Variants in MEIS1 observed in about 807,000 individuals in gnomAD.
MEIS1 encodes the protein homeobox protein Meis1.
In MEIS1, 5 loss-of-function variants were observed where a neutral mutation model predicts 50.8. That is an observed-to-expected ratio of 0.10 (90% CI 0.05 to 0.21). The LOEUF (loss-of-function observed/expected upper bound fraction) is 0.21, where lower values mean the gene tolerates loss of function less well. Ranked by LOEUF, MEIS1 falls within the 10% of genes least tolerant of loss-of-function variation. The pLI is 1.00. For synonymous variants in MEIS1, 176 were observed against 179.3 expected, an observed-to-expected ratio of 0.98 and a Z score of 0.15; for missense variants, 318 against 517.3, an observed-to-expected ratio of 0.61 and a Z score of 3.74.
intron 9 of MEIS1, among the ~76,000 whole-genome samples, chr2:66,556,491 CT>C (rs11369455): frequency 1.9e-4 from 27 of 144,210 alleles, no homozygotes; most frequent in Middle Eastern, 3.6e-3. Flanking sequence ...GATAAAGTCA[CT>C]TTTTTTTTTT....
At chr2:66,560,436 C>T (rs1424576250) in intron 9 of MEIS1, among the ~76,000 whole-genome samples, 1 of 151,196 alleles carries the variant, frequency 6.6e-6, no homozygotes, top group Non-Finnish European at 1.5e-5. Flanking sequence ...AAAAACAAAA[C>T]GACAAAAACT....
At position 66,445,543 on chromosome 2, in the gene MEIS1, C is replaced by T. The variant is rs1171518197; in HGVS notation, c.630+2495C>T. ...CACCTGTCTGCGAATGCAGCCCAGC[C>T]AGTTTGAGCCTCCGCAGAGGGTGCG... On this transcript the variant is annotated intron_variant, in intron 6 of 12. Transcript: ENST00000272369. Among the ~76,000 whole-genome samples the T allele has an allele frequency of 3.3e-5, 5 of 152,230 alleles. 1 individual carries two copies. The highest frequency in any genetic ancestry group is 3.3e-4 in the Admixed American group (5 of 15,292).
At chr2:66,436,995 A>G in intron 1 of MEIS1, 1 of 959,400 alleles carries the variant, frequency 1.0e-6, no homozygotes, top group Non-Finnish European at 1.2e-6. Context: ...AGTTCATAAG[A>G]GTAAATAAGA....
At chr2:66,436,753 T>G (rs1047593252) in intron 1 of MEIS1, 2 of 420,160 alleles carry the variant, frequency 4.8e-6, no homozygotes, top group African/African-American at 4.3e-5. Context: ...TCTTTGAAAA[T>G]CATTTCACTC....
chr2:66,570,035 C>T (rs371633994), intron 12 of MEIS1: 3 of 152,220 alleles, frequency 2.0e-5, no homozygotes, highest in African/African-American at 7.2e-5. Flanking sequence ...CCTAATAGCA[C>T]TGTTCTTGCT....
At chr2:66,460,278 T>C (rs1372587162) in intron 6 of MEIS1, among the ~76,000 whole-genome samples, 1 of 152,134 alleles carries the variant, frequency 6.6e-6, no homozygotes, top group East Asian at 1.9e-4. Context: ...TAAGATACCA[T>C]TCTCACTCAT....
At chr2:66,569,392 G>A (rs2066929) in intron 12 of MEIS1, 235,777 of 258,090 alleles carry the variant, frequency 0.91, 108,754 homozygotes, top group Non-Finnish European at 0.97. Context: ...AAAACAAGAA[G>A]CAGTCAGGAG....
At chr2:66,483,140 C>T (rs868649999) in intron 7 of MEIS1, among the ~76,000 whole-genome samples, 8 of 151,756 alleles carry the variant, frequency 5.3e-5, no homozygotes, top group East Asian at 1.9e-4. Flanking sequence ...TCATCATTAT[C>T]AGCTGATTAA....
intron 6 of MEIS1, among the ~76,000 whole-genome samples, chr2:66,462,520 C>T (rs1013628408): frequency 6.6e-6 from 1 of 152,174 alleles, no homozygotes; most frequent in African/African-American, 2.4e-5. Context: ...TGTCGAGGCA[C>T]CGGGGTTTTG....
chr2:66,435,765 TTTCC>T lies in MEIS1; in HGVS notation c.-91_-88del. ...GTGCTTTTTTTTTTTTTTTTTTTTT[TTTCC>T]GGGGGAGTTTGAATATTTGTTTCTT... On this transcript the variant is annotated 5_prime_UTR_variant, in exon 1 of 13. Coordinates refer to ENST00000272369, the MANE Select transcript of MEIS1 (RefSeq NM_002398.3). 7 of 788,152 alleles carry T rather than the reference TTTCC, an allele frequency of 8.9e-6. No homozygotes were observed. The highest frequency in any genetic ancestry group is 2.2e-5 in the South Asian group (1 of 45,884). 48.8% of individuals were successfully genotyped at this position (788,152 alleles called of 1,614,324 possible). A position where few individuals can be genotyped will look rare whatever the true frequency, so the allele number is the denominator to read the frequency against.
chr2:66,496,917 G>A lies in MEIS1; in HGVS notation c.743-15232G>A, dbSNP rs185138100. ...CTTTCTCTGGATCTGTAAATACTTG[G>A]TATTTGTTTTCTTCCTTGTACATTT... On this transcript the variant is annotated intron_variant, in intron 7 of 12. Coordinates refer to ENST00000272369, the MANE Select transcript of MEIS1 (RefSeq NM_002398.3). 2.0e-5 allele frequency among the ~76,000 whole-genome samples: 3 copies of A among 152,206 alleles called. No homozygotes were observed. The East Asian group carries it at 5.8e-4, about 29-fold the overall frequency.
intron 8 of MEIS1, among the ~76,000 whole-genome samples, chr2:66,542,002 C>T (rs1674665255): frequency 6.6e-6 from 1 of 152,106 alleles, no homozygotes; most frequent in East Asian, 1.9e-4. Flanking sequence ...AAAAAGTATC[C>T]TAGATCAATG....
intron 2 of MEIS1, 164 bp from the exon 3 acceptor site, chr2:66,439,679 G>A: frequency 1.3e-6 from 2 of 1,540,220 alleles, no homozygotes; most frequent in Non-Finnish European, 1.7e-6. Context: ...GAGGTGAGCG[G>A]TCACCTGGGT....
At chr2:66,447,758 C>T (rs915512981) in intron 6 of MEIS1, among the ~76,000 whole-genome samples, 2 of 152,164 alleles carry the variant, frequency 1.3e-5, no homozygotes, top group African/African-American at 4.8e-5. Context: ...AGATCACTTA[C>T]ATTGGTAAAT....
At chr2:66,542,722 CA>C (rs1674685169) in intron 8 of MEIS1, among the ~76,000 whole-genome samples, 1 of 152,168 alleles carries the variant, frequency 6.6e-6, no homozygotes. Context: ...GGATTATTTT[CA>C]AATTTTCTGC....
chr2:66,504,482 C>T (rs554205628), intron 7 of MEIS1, among the ~76,000 whole-genome samples: 8 of 151,790 alleles, frequency 5.3e-5, no homozygotes, highest in Non-Finnish European at 1.0e-4. Context: ...GTGATCCACC[C>T]GCCTCGGTCT....
intron 8 of MEIS1, among the ~76,000 whole-genome samples, chr2:66,527,339 A>C (rs1435117063): frequency 2.0e-5 from 3 of 152,140 alleles, no homozygotes; most frequent in African/African-American, 7.2e-5. Context: ...GGAGCTTACC[A>C]CTTCCATACC....
At chr2:66,501,597 T>C (rs894386344) in intron 7 of MEIS1, among the ~76,000 whole-genome samples, 2 of 151,952 alleles carry the variant, frequency 1.3e-5, no homozygotes, top group Admixed American at 6.5e-5. Context: ...AAAAGTAATA[T>C]TGAATTACTA....
chr2:66,473,397 A>AAAAAAAAAAAAAATATATATATAT, intron 7 of MEIS1, among the ~76,000 whole-genome samples: 115 of 107,384 alleles, frequency 1.1e-3, no homozygotes, highest in South Asian at 1.9e-3. Flanking sequence ...AAAAAAAAAA[A>AAAAAAAAAAAAAATATATATATAT]ATATATATAT....
Sources: allele counts gnomAD v4.1 joint callset (sites outside exome capture counted in the v4.1 genomes callset), GRCh38; gene constraint gnomAD v4.1.1; transcripts MANE v1.5; gene names NCBI Gene and HGNC (gene_info 2026-07-23, HGNC 2026-07-21).